SNTG1: variants seen among roughly 807,000 people sequenced by gnomAD.
SNTG1 encodes syntrophin gamma 1.
SNTG1 carries 39 observed loss-of-function variants against 74.7 expected under a neutral mutation model. The observed-to-expected ratio is 0.52, with a 90% CI of 0.40 to 0.68. The LOEUF (loss-of-function observed/expected upper bound fraction) is 0.68. Ranked by LOEUF, SNTG1 falls within the 30% of genes least tolerant of loss-of-function variation. The pLI, the probability that SNTG1 is intolerant of heterozygous loss-of-function variation, is 0.00. For missense variants in SNTG1, 685 were observed against 609.5 expected, an observed-to-expected ratio of 1.12 and a Z score of -1.30; for synonymous variants, 254 against 217.1, an observed-to-expected ratio of 1.17 and a Z score of -1.49.
At chr8:50,358,787 T>C (rs950927102) in intron 2 of SNTG1, among the ~76,000 whole-genome samples, 24 of 152,212 alleles carry the variant, frequency 1.6e-4, no homozygotes, top group African/African-American at 5.1e-4. Context: ...AATTACCACT[T>C]TCAATGCAGA....
chr8:50,047,371 A>T (rs547503043), intron 1 of SNTG1, among the ~76,000 whole-genome samples: 12 of 152,134 alleles, frequency 7.9e-5, no homozygotes, highest in Non-Finnish European at 1.8e-4. Context: ...ACAATCAATC[A>T]TTAATATTAT....
intron 2 of SNTG1, among the ~76,000 whole-genome samples, chr8:50,201,937 TTC>T (rs2084002692): frequency 6.6e-6 from 1 of 152,130 alleles, no homozygotes; most frequent in Non-Finnish European, 1.5e-5. Flanking sequence ...TACTGATGTA[TTC>T]AATTCTAGAA....
intron 1 of SNTG1, among the ~76,000 whole-genome samples, chr8:50,102,285 T>G (rs2131240139): frequency 1.3e-5 from 2 of 151,830 alleles, no homozygotes; most frequent in East Asian, 1.9e-4. Flanking sequence ...ATTGTGGTTT[T>G]GATTTGCATT....
chr8:50,663,886 C>T (rs2095237786), intron 15 of SNTG1, among the ~76,000 whole-genome samples: 1 of 152,132 alleles, frequency 6.6e-6, no homozygotes, highest in South Asian at 2.1e-4. Context: ...AGATAACTAT[C>T]CTTGCTCTTA....
intron 17 of SNTG1, among the ~76,000 whole-genome samples, chr8:50,731,525 A>G (rs2095513010): frequency 6.6e-6 from 1 of 152,066 alleles, no homozygotes; most frequent in South Asian, 2.1e-4. Flanking sequence ...TGTGTTTCTT[A>G]CTAGCACCTG....
At chr8:50,243,338 A>T (rs914395687) in intron 2 of SNTG1, among the ~76,000 whole-genome samples, 13 of 152,148 alleles carry the variant, frequency 8.5e-5, no homozygotes, top group African/African-American at 2.7e-4. Flanking sequence ...GGTTTTCTGA[A>T]TTTATAGATA....
chr8:50,090,717 C>G (rs1265951507), intron 1 of SNTG1, among the ~76,000 whole-genome samples: 1 of 152,020 alleles, frequency 6.6e-6, no homozygotes, highest in Non-Finnish European at 1.5e-5. Flanking sequence ...GGGCTGCTGA[C>G]AAAAGCAGGG....
At position 50,766,627 on chromosome 8, in the gene SNTG1, A is replaced by T. The variant is rs376150033; in HGVS notation, c.1395+14516A>T. Among the ~76,000 whole-genome samples the T allele has an allele frequency of 1.3e-4, 20 of 152,028 alleles. No homozygotes were observed. In the East Asian group the frequency reaches 3.5e-3, roughly 27 times the overall value. On this transcript the variant is annotated intron_variant, in intron 18 of 18. Transcript: ENST00000642720. ...GGGGTAGAAGCAAATAATATTTACC[A>T]CTTTGTTCTCCTGTGTCCCCATCTC...
At chr8:49,944,530 A>G (rs771742057) in intron 1 of SNTG1, among the ~76,000 whole-genome samples, 1 of 136,470 alleles carries the variant, frequency 7.3e-6, no homozygotes, top group Non-Finnish European at 1.5e-5. Flanking sequence ...TTGAACAATG[A>G]GAACACATGG....
chr8:50,668,495 CATTATTATTATTATTATTATT>C (rs67860057), intron 15 of SNTG1, among the ~76,000 whole-genome samples: 2 of 145,300 alleles, frequency 1.4e-5, no homozygotes, highest in Non-Finnish European at 1.5e-5. Flanking sequence ...ATCTTTCGCA[CATTATTATTATTATTATTATT>C]ATTATTATTA....
intron 12 of SNTG1, among the ~76,000 whole-genome samples, chr8:50,576,782 T>G (rs2094579115): frequency 6.6e-6 from 1 of 152,140 alleles, no homozygotes; most frequent in Admixed American, 6.5e-5. Context: ...TACATAGAAA[T>G]GCAATTTATT....
chr8:50,480,124 C>T (rs1234211779), intron 8 of SNTG1, among the ~76,000 whole-genome samples: 1 of 152,056 alleles, frequency 6.6e-6, no homozygotes, highest in East Asian at 1.9e-4. Flanking sequence ...AATGTTAAAT[C>T]ATCAGTTTTA....
chr8:50,057,188 G>C (rs1057465179), intron 1 of SNTG1, among the ~76,000 whole-genome samples: 3 of 151,998 alleles, frequency 2.0e-5, no homozygotes, highest in African/African-American at 7.2e-5. Flanking sequence ...TCAGAACGTG[G>C]TGTTCTCCTA....
intron 3 of SNTG1, among the ~76,000 whole-genome samples, chr8:50,399,668 TTC>T (rs2092775214): frequency 6.8e-6 from 1 of 146,462 alleles, no homozygotes; most frequent in Non-Finnish European, 1.5e-5. Flanking sequence ...GATGTATCAT[TTC>T]ATATTTCCAC....
chr8:49,981,180 C>T (rs918361295), intron 1 of SNTG1, among the ~76,000 whole-genome samples: 2 of 152,116 alleles, frequency 1.3e-5, no homozygotes, highest in Non-Finnish European at 2.9e-5. Flanking sequence ...GGAAGTATCA[C>T]AGAACAGAAG....
intron 2 of SNTG1, among the ~76,000 whole-genome samples, chr8:50,256,370 A>T (rs2086882861): frequency 6.6e-6 from 1 of 151,964 alleles, no homozygotes; most frequent in Admixed American, 6.6e-5. Flanking sequence ...AAATGTTTAA[A>T]ATTTTAACAT....
At chr8:50,574,409 T>A (rs1408572107) in intron 12 of SNTG1, among the ~76,000 whole-genome samples, 2 of 152,152 alleles carry the variant, frequency 1.3e-5, no homozygotes, top group Non-Finnish European at 2.9e-5. Context: ...TTTTTAAACG[T>A]GTGCCTTAAT....
chr8:50,549,063 C>A (rs868396222), intron 11 of SNTG1, among the ~76,000 whole-genome samples: 2 of 152,032 alleles, frequency 1.3e-5, no homozygotes, highest in South Asian at 4.1e-4. Context: ...GACGCTGTTG[C>A]AAAAAGTGCA....
At chr8:50,623,365 T>G (rs1468979241) in intron 13 of SNTG1, among the ~76,000 whole-genome samples, 2 of 152,146 alleles carry the variant, frequency 1.3e-5, no homozygotes, top group Non-Finnish European at 2.9e-5. Context: ...ATGTCCAGTT[T>G]TTTGATTGTC....
Sources: gnomAD v4.1 joint callset for allele counts (sites outside exome capture counted in the v4.1 genomes callset) on GRCh38, gnomAD v4.1.1 for gene constraint, MANE v1.5 for transcripts, NCBI Gene and HGNC (gene_info 2026-07-23, HGNC 2026-07-21) for gene names.